Variants in DNM3 observed in about 807,000 individuals in gnomAD.
DNM3 encodes the protein dynamin-3.
DNM3 carries 47 observed loss-of-function variants against 101.6 expected under a neutral mutation model. The observed-to-expected ratio is 0.46, with a 90% confidence interval of 0.37 to 0.59. DNM3 has a LOEUF of 0.59. Ranked by LOEUF, DNM3 falls within the 20% of genes least tolerant of loss-of-function variation. The probability of loss-of-function intolerance (pLI) is 0.00; values close to 1 mark genes in which losing one functional copy is unlikely to be tolerated. For synonymous variants in DNM3, 385 were observed against 387.9 expected (o/e 0.99, Z 0.09); for missense variants, 849 against 1,085.7 (o/e 0.78, Z 3.06).
intron 1 of DNM3, among the ~76,000 whole-genome samples, chr1:171,858,517 G>T (rs1041294197): frequency 1.3e-5 from 2 of 152,098 alleles, no homozygotes; most frequent in Non-Finnish European, 2.9e-5. Flanking sequence ...TGAAAAGATT[G>T]GTCCATCCCA....
chr1:172,092,780 A>C, intron 12 of DNM3, 44 bp from the exon 13 acceptor site: 1 of 1,524,852 alleles, frequency 6.6e-7, no homozygotes, highest in Non-Finnish European at 8.8e-7. Context: ...TTAGGAAAAA[A>C]TTATATGTGT....
In DNM3 at chr1:172,275,002, A is replaced by G. The variant is rs1573245855; in HGVS notation, c.1769+21320A>G. 9.2e-5 allele frequency among the ~76,000 whole-genome samples: 14 copies of G among 152,130 alleles called. No individual in the cohort carries two copies. In the South Asian group the frequency reaches 2.7e-3, roughly 29 times the overall value. ...ACAAGCAGTTCTGGGACCTGAAGCA[A>G]TGCTCTGTTATTGGCCATCACAAAT... On this transcript the variant is annotated intron_variant, in intron 15 of 20. Coordinates refer to ENST00000627582, the MANE Select transcript of DNM3 (RefSeq NM_015569.5).
In DNM3 at chr1:171,900,155, C is replaced by A. The variant is rs1372069407; in HGVS notation, c.162-21593C>A. ...TTTTTACTTGGTTGGTAGTGCTATT[C>A]GCACTGTATGTTTTCATTGCAGAAA... On this transcript the variant is annotated intron_variant, in intron 1 of 20. Coordinates refer to ENST00000627582, the MANE Select transcript of DNM3 (RefSeq NM_015569.5). Among the ~76,000 whole-genome samples, 4 of 152,152 alleles carry A rather than the reference C, an allele frequency of 2.6e-5. No homozygotes were observed. In the East Asian group the frequency reaches 7.7e-4, roughly 29 times the overall value.
chr1:172,280,363 A>G (rs753134147), intron 15 of DNM3, among the ~76,000 whole-genome samples: 2 of 152,170 alleles, frequency 1.3e-5, no homozygotes, highest in Non-Finnish European at 2.9e-5. Context: ...AAGTTCAGTG[A>G]AGGCAAAAAT....
At chr1:172,069,958 G>C (rs1284431509) in intron 11 of DNM3, among the ~76,000 whole-genome samples, 1 of 152,148 alleles carries the variant, frequency 6.6e-6, no homozygotes, top group East Asian at 1.9e-4. Flanking sequence ...ACAGCACACA[G>C]AGTGTGCGTG....
intron 1 of DNM3, among the ~76,000 whole-genome samples, chr1:171,882,427 C>A (rs1169580627): frequency 1.0e-5 from 1 of 98,202 alleles, no homozygotes; most frequent in Non-Finnish European, 1.9e-5. Flanking sequence ...CTGTCTCTCT[C>A]TATACACACA....
At chr1:172,191,312 G>A (rs2059713981) in intron 14 of DNM3, among the ~76,000 whole-genome samples, 1 of 152,184 alleles carries the variant, frequency 6.6e-6, no homozygotes, top group South Asian at 2.1e-4. Context: ...GTTTGTCAAA[G>A]ATCAGATGAT....
chr1:172,352,141 C>G (rs756056433), intron 17 of DNM3, among the ~76,000 whole-genome samples: 6 of 152,168 alleles, frequency 3.9e-5, no homozygotes, highest in Non-Finnish European at 7.3e-5. Context: ...CCACTTACAA[C>G]AGGAATGCAC....
chr1:171,987,780 TA>T lies in DNM3; in HGVS notation c.362del (p.Asn121IlefsTer10). Reference sequence around the variant, plus strand: ...ATAAAGGCATTTCCTCCATACCCATTAATTTACGAGTCTATTCCCCACACGG... The same window carrying T: ...ATAAAGGCATTTCCTCCATACCCATTATTTACGAGTCTATTCCCCACACGG... ...MNKGISSIPI[N>X]LRVYSPHVLN... On this transcript the variant is annotated frameshift_variant, in exon 3 of 21. Transcript: ENST00000627582. LOFTEE classifies it high-confidence loss of function. 1 of 1,579,106 alleles carries T rather than the reference TA, an allele frequency of 6.3e-7. No homozygotes were observed. Among genetic ancestry groups the T allele is most frequent in the Non-Finnish European group, 8.6e-7 (1 of 1,167,292 alleles).
At chr1:172,195,808 G>C (rs1018423979) in intron 14 of DNM3, among the ~76,000 whole-genome samples, 3 of 150,974 alleles carry the variant, frequency 2.0e-5, no homozygotes, top group Non-Finnish European at 4.4e-5. Flanking sequence ...ATGTATTTTT[G>C]GGCTTGATTT....
intron 15 of DNM3, among the ~76,000 whole-genome samples, chr1:172,275,027 T>C (rs2063226205): frequency 6.6e-6 from 1 of 152,070 alleles, no homozygotes. Context: ...CCATCACAAA[T>C]GTAAGGTTGA....
intron 14 of DNM3, among the ~76,000 whole-genome samples, chr1:172,253,259 G>A (rs1165581303): frequency 6.6e-6 from 1 of 152,078 alleles, no homozygotes; most frequent in Non-Finnish European, 1.5e-5. Context: ...AGGACCATGT[G>A]TTTTCTTCAT....
chr1:171,848,027 T>C (rs79727248), intron 1 of DNM3, among the ~76,000 whole-genome samples: 2,007 of 152,154 alleles, frequency 0.013, 51 homozygotes, highest in African/African-American at 0.044. Context: ...TGATTTTCTC[T>C]AACTTCCTGG....
chr1:172,168,512 A>G (rs2058835541), intron 14 of DNM3, among the ~76,000 whole-genome samples: 1 of 152,022 alleles, frequency 6.6e-6, no homozygotes. Context: ...ATGTGTCCAG[A>G]TTACCACAGG....
At chr1:172,173,107 A>C (rs1295845193) in intron 14 of DNM3, among the ~76,000 whole-genome samples, 1 of 151,802 alleles carries the variant, frequency 6.6e-6, no homozygotes, top group Non-Finnish European at 1.5e-5. Context: ...GATGGATTGG[A>C]AGGAGGAAAA....
chr1:172,416,310 T>C (rs1037959175), downstream of DNM3, among the ~76,000 whole-genome samples: 7 of 152,178 alleles, frequency 4.6e-5, no homozygotes, highest in African/African-American at 1.4e-4. Context: ...GTGTAAGTCA[T>C]ATAAAAATTA....
intron 14 of DNM3, among the ~76,000 whole-genome samples, chr1:172,153,548 A>C (rs1039161763): frequency 3.9e-5 from 6 of 151,902 alleles, no homozygotes; most frequent in African/African-American, 1.5e-4. Flanking sequence ...CCTCTTTTCC[A>C]CTATTTCATC....
intron 13 of DNM3, among the ~76,000 whole-genome samples, chr1:172,109,515 C>A (rs1477810094): frequency 6.6e-6 from 1 of 152,190 alleles, no homozygotes; most frequent in East Asian, 1.9e-4. Context: ...TAACTTCTGG[C>A]ATTTCTTGTG....
intron 13 of DNM3, among the ~76,000 whole-genome samples, chr1:172,109,809 A>G (rs2055327416): frequency 6.6e-6 from 1 of 152,156 alleles, no homozygotes; most frequent in Admixed American, 6.5e-5. Flanking sequence ...TTACTTTATT[A>G]AGTTTCCTCC....
Sources: gnomAD v4.1 joint callset for allele counts (sites outside exome capture counted in the v4.1 genomes callset) on GRCh38, gnomAD v4.1.1 for gene constraint, MANE v1.5 for transcripts, NCBI Gene and HGNC (gene_info 2026-07-23, HGNC 2026-07-21) for gene names.